TMCO6: variants seen among roughly 807,000 people sequenced by gnomAD.
TMCO6 encodes transmembrane and coiled-coil domain-containing protein 6.
A neutral mutation model predicts 61.8 loss-of-function variants in TMCO6; 47 were observed. The observed-to-expected ratio is 0.76, with a 90% CI of 0.60 to 0.97. The LOEUF (loss-of-function observed/expected upper bound fraction) is 0.97. Ranked by LOEUF, TMCO6 falls within the 50% of genes least tolerant of loss-of-function variation. The pLI, the probability that TMCO6 is intolerant of heterozygous loss-of-function variation, is 0.00. For missense variants in TMCO6, 557 were observed against 601.6 expected (o/e 0.93, Z 0.78); for synonymous variants, 261 against 254.2 (o/e 1.03, Z -0.25).
downstream of TMCO6, among the ~76,000 whole-genome samples, chr5:140,646,393 C>T (rs1376822398): frequency 1.6e-4 from 25 of 152,150 alleles, 2 homozygotes; most frequent in Admixed American, 1.6e-3. Flanking sequence ...TCTATCTCCT[C>T]CTGTAGTCTA....
chr5:140,638,335 G>GT (rs570533152), upstream of TMCO6, among the ~76,000 whole-genome samples: 33 of 152,304 alleles, frequency 2.2e-4, 1 homozygote, highest in East Asian at 6.4e-3. Flanking sequence ...GAACTAGAAA[G>GT]TTAGTCCTCT....
At chr5:140,613,888 T>C in the TMCO6 span, among the ~76,000 whole-genome samples, 1 of 150,880 alleles carries the variant, frequency 6.6e-6, no homozygotes, top group Non-Finnish European at 1.5e-5. Flanking sequence ...CTCATCGTTT[T>C]TTTTTGTTGT....
chr5:140,631,944 C>G, the TMCO6 span: 1 of 1,612,994 alleles, frequency 6.2e-7, no homozygotes, highest in Non-Finnish European at 8.5e-7. Context: ...TGGGACCACG[C>G]CGGAGTTCAT....
In TMCO6 at chr5:140,642,306, T is replaced by C; in HGVS notation, c.499-9T>C. 6.2e-7 allele frequency: 1 copy of C among 1,603,912 alleles called. No individual in the cohort carries two copies. The highest frequency in any genetic ancestry group is 8.5e-7 in the Non-Finnish European group (1 of 1,174,558). ...GGCCAAGCCCAGTGCTTTTGTTGCC[T>C]GTTCTCAGGAGCTGTGTCTGTATAC... On this transcript the variant is annotated splice_polypyrimidine_tract_variant and intron_variant, in intron 4 of 11. Transcript: ENST00000394671.
Position 140,641,944 on chromosome 5 carries a change from G to A in TMCO6, c.389G>A (p.Arg130Gln), listed in dbSNP as rs1365671410. The A allele has an allele frequency of 2.0e-5, 33 of 1,613,780 alleles. No individual in the cohort carries two copies. The highest frequency in any genetic ancestry group is 2.5e-5 in the Non-Finnish European group (30 of 1,179,816). Residue 130 changes from arginine to glutamine, a missense_variant, in exon 4 of 12, where the codon CGG (arginine) becomes CAG (glutamine). Transcript: ENST00000394671. ...NQALLQLEAA[R>Q]CLHELSHSEQ... ...GCCCTGCTGCAGCTTGAGGCGGCTC[G>A]GTGCCTGCATGAGCTCTCTCACTCC...
the TMCO6 span, among the ~76,000 whole-genome samples, chr5:140,620,843 T>A: frequency 6.6e-6 from 1 of 151,788 alleles, no homozygotes; most frequent in Non-Finnish European, 1.5e-5. Context: ...AGACCTTGCC[T>A]CTACAAAAAA....
Position 140,643,051 on chromosome 5 carries a change from C to T in TMCO6, c.806+10C>T, listed in dbSNP as rs771904068. The T allele has an allele frequency of 8.7e-6, 14 of 1,614,186 alleles. No homozygotes were observed. Among genetic ancestry groups the T allele is most frequent in the African/African-American group, 1.3e-5 (1 of 75,054 alleles). ...ATTACATCATCTGCAGGTAACAGGGCAATTGGGAAAGTACCACAGATCTTC... is the reference window on the plus strand; with the variant it reads ...ATTACATCATCTGCAGGTAACAGGGTAATTGGGAAAGTACCACAGATCTTC... On this transcript the variant is annotated intron_variant, in intron 7 of 11. Transcript: ENST00000394671.
the TMCO6 span, among the ~76,000 whole-genome samples, chr5:140,616,426 G>T: frequency 0.51 from 78,083 of 151,832 alleles, 20,339 homozygotes; most frequent in Non-Finnish European, 0.52. Context: ...GCTGGGCATG[G>T]TGACACCGGC....
chr5:140,610,678 C>T, the TMCO6 span, among the ~76,000 whole-genome samples: 1 of 152,174 alleles, frequency 6.6e-6, no homozygotes, highest in East Asian at 1.9e-4. Context: ...TGTGAATTGA[C>T]ATCATTTTAC....
chr5:140,644,565 A>G lies in TMCO6; in HGVS notation c.1201-8A>G, dbSNP rs779578392. On this transcript the variant is annotated splice_polypyrimidine_tract_variant and splice_region_variant and intron_variant, in intron 10 of 11. Coordinates refer to ENST00000394671, the MANE Select transcript of TMCO6 (RefSeq NM_018502.5). Reference sequence around the variant, plus strand: ...TTCTTTGTAGACTATATATGTGTCTATCTGCAGGTGCTCACAGTTCTGTGC... The same window carrying G: ...TTCTTTGTAGACTATATATGTGTCTGTCTGCAGGTGCTCACAGTTCTGTGC... 2 of 1,613,852 alleles carry G rather than the reference A, an allele frequency of 1.2e-6. No homozygotes were observed. The highest frequency in any genetic ancestry group is 1.7e-4 in the Middle Eastern group (1 of 6,054).
chr5:140,622,618 G>A, the TMCO6 span, among the ~76,000 whole-genome samples: 1 of 151,746 alleles, frequency 6.6e-6, no homozygotes, highest in Non-Finnish European at 1.5e-5. Flanking sequence ...TGGAAAGACT[G>A]TGTGAAGAAT....
At chr5:140,605,687 AAC>A in the TMCO6 span, among the ~76,000 whole-genome samples, 3 of 133,812 alleles carry the variant, frequency 2.2e-5, no homozygotes, top group African/African-American at 8.9e-5. Context: ...CTCAAAAAAA[AAC>A]AAAACACACA....
In TMCO6 at chr5:140,644,565, ATCTG is replaced by A; in HGVS notation, c.1201-7_1201-4del. On this transcript the variant is annotated splice_polypyrimidine_tract_variant and splice_region_variant and intron_variant, in intron 10 of 11. Transcript: ENST00000394671. ...TTCTTTGTAGACTATATATGTGTCTATCTGCAGGTGCTCACAGTTCTGTGCAATG... is the reference window on the plus strand; with the variant it reads ...TTCTTTGTAGACTATATATGTGTCTACAGGTGCTCACAGTTCTGTGCAATG... 3 of 1,613,852 alleles carry A rather than the reference ATCTG, an allele frequency of 1.9e-6. No individual in the cohort carries two copies. The highest frequency in any genetic ancestry group is 2.5e-6 in the Non-Finnish European group (3 of 1,179,898).
At chr5:140,633,382 A>G in the TMCO6 span, 2 of 522,650 alleles carry the variant, frequency 3.8e-6, no homozygotes, top group Non-Finnish European at 6.9e-6. Context: ...GTCTCCTGGC[A>G]GTGTCCTGAT....
the TMCO6 span, among the ~76,000 whole-genome samples, chr5:140,601,394 T>C: frequency 6.6e-6 from 1 of 152,304 alleles, no homozygotes; most frequent in African/African-American, 2.4e-5. Flanking sequence ...CCCCAGGTGA[T>C]TCAAGGTAAG....
the TMCO6 span, among the ~76,000 whole-genome samples, chr5:140,608,249 T>C: frequency 6.6e-6 from 1 of 152,248 alleles, no homozygotes; most frequent in African/African-American, 2.4e-5. Flanking sequence ...ATTTTACTAA[T>C]GAATAATAAT....
upstream of TMCO6, among the ~76,000 whole-genome samples, chr5:140,637,848 CCCCCACCG>C (rs1756806246): frequency 6.6e-6 from 1 of 151,746 alleles, no homozygotes; most frequent in Non-Finnish European, 1.5e-5. Flanking sequence ...AGCTGGAAGC[CCCCCACCG>C]CCCCACTTCG....
chr5:140,630,162 T>A, the TMCO6 span, among the ~76,000 whole-genome samples: 2 of 151,508 alleles, frequency 1.3e-5, no homozygotes, highest in African/African-American at 2.4e-5. Context: ...CCCGGCTAAT[T>A]TTTGTATTTT....
chr5:140,644,315 C>A, intron 10 of TMCO6, 121 bp downstream of exon 10: 1 of 1,115,130 alleles, frequency 9.0e-7, no homozygotes. Context: ...GGCCTCAGGG[C>A]CCAACCAATC....
Sources: gnomAD v4.1 joint callset for allele counts (sites outside exome capture counted in the v4.1 genomes callset) on GRCh38, gnomAD v4.1.1 for gene constraint, MANE v1.5 for transcripts, NCBI Gene and HGNC (gene_info 2026-07-23, HGNC 2026-07-21) for gene names.